Variants in QSOX1 observed in about 807,000 individuals in gnomAD.
The protein encoded by QSOX1 is quiescin sulfhydryl oxidase 1, also known as sulfhydryl oxidase 1.
In QSOX1, 40 loss-of-function variants were observed where a neutral mutation model predicts 76.1. The ratio of observed to expected loss-of-function variants is 0.53; its 90% CI spans 0.41 to 0.68. The LOEUF is 0.68. Ranked by LOEUF, QSOX1 falls within the 30% of genes least tolerant of loss-of-function variation. The pLI, the probability that QSOX1 is intolerant of heterozygous loss-of-function variation, is 0.00. For synonymous variants in QSOX1, 392 were observed against 413.1 expected (o/e 0.95, Z 0.62); for missense variants, 931 against 974.3 (o/e 0.96, Z 0.59).
rs1161608704 is a variant in QSOX1, at chr1:180,194,467, C to T, written c.1468+75C>T. The T allele has an allele frequency of 2.8e-6, 4 of 1,435,902 alleles. No individual in the cohort carries two copies. In the African/African-American group the frequency reaches 5.8e-5, roughly 21 times the overall value. The allele number at this position is 1,435,902 out of a possible 1,614,324, so 88.9% of individuals were successfully genotyped here. A position where few individuals can be genotyped will look rare whatever the true frequency, so the allele number is the denominator to read the frequency against. On this transcript the variant is annotated intron_variant, in intron 11 of 11. Transcript: ENST00000367602. ...GGTGAGGATACTTGGGAGTCTTAGG[C>T]CAAAATTTGGGGAAGGGACACTCAT...
chr1:180,178,196 C>T (rs542337804), intron 4 of QSOX1, among the ~76,000 whole-genome samples: 1 of 152,252 alleles, frequency 6.6e-6, no homozygotes, highest in East Asian at 1.9e-4. Flanking sequence ...CTTCCCAGTC[C>T]CCCTCCCCAC....
intron 1 of QSOX1, among the ~76,000 whole-genome samples, chr1:180,163,173 G>A (rs569011716): frequency 1.9e-4 from 28 of 149,708 alleles, no homozygotes; most frequent in African/African-American, 6.6e-4. Flanking sequence ...TAGCCCATTC[G>A]ACCACACTTG....
chr1:180,197,340 G>A lies in QSOX1; in HGVS notation c.*303G>A. On this transcript the variant is annotated 3_prime_UTR_variant, in exon 12 of 12. Coordinates refer to ENST00000367602, the MANE Select transcript of QSOX1 (RefSeq NM_002826.5). ...CACATTCCTGTTTTTCAGCTTATTT[G>A]AAGTCCTGCCTCATTCTCACTGGAG... 6.2e-7 allele frequency: 1 copy of A among 1,613,988 alleles called. No homozygotes were observed. Among genetic ancestry groups the A allele is most frequent in the South Asian group, 1.1e-5 (1 of 91,084 alleles).
intron 11 of QSOX1, among the ~76,000 whole-genome samples, chr1:180,194,977 C>T (rs989382263): frequency 5.9e-5 from 8 of 135,658 alleles, no homozygotes; most frequent in East Asian, 2.7e-4. Flanking sequence ...GAGCGGTGCA[C>T]GTGGCTGTGA....
chr1:180,201,811 G>A lies in QSOX1; in HGVS notation c.*4774G>A, dbSNP rs1191535095. On this transcript the variant is annotated 3_prime_UTR_variant, in exon 12 of 12. Transcript: ENST00000367602. ...GCAGCACAGTCTTCTCCATAGAGAGGGGCTGGGCCATGGGACCCCAGTTCC... is the reference window on the plus strand; with the variant it reads ...GCAGCACAGTCTTCTCCATAGAGAGAGGCTGGGCCATGGGACCCCAGTTCC... 6.6e-6 allele frequency: 1 copy of A among 152,184 alleles called. No individual in the cohort carries two copies. Among genetic ancestry groups the A allele is most frequent in the African/African-American group, 2.4e-5 (1 of 41,392 alleles). 9.4% of individuals were successfully genotyped at this position (152,184 alleles called of 1,614,324 possible). A position where few individuals can be genotyped will look rare whatever the true frequency, so the allele number is the denominator to read the frequency against.
At chr1:180,175,807 C>T (rs538611481) in intron 3 of QSOX1, 124 bp from the exon 4 acceptor site, 7 of 742,230 alleles carry the variant, frequency 9.4e-6, no homozygotes, top group South Asian at 3.4e-5. Flanking sequence ...ACTGACGCCT[C>T]GTCTGTCTCT....
At chr1:180,172,759 T>A (rs1360798181) in intron 2 of QSOX1, among the ~76,000 whole-genome samples, 1 of 152,182 alleles carries the variant, frequency 6.6e-6, no homozygotes, top group African/African-American at 2.4e-5. Flanking sequence ...CCTCAAGTGA[T>A]CCGCCCACCT....
chr1:180,190,427 C>T lies in QSOX1; in HGVS notation c.1141-6C>T. On this transcript the variant is annotated splice_region_variant and splice_polypyrimidine_tract_variant and intron_variant, in intron 9 of 11. Transcript: ENST00000367602. The stretch of plus-strand genomic sequence containing the variant: ...ATATGTGCACTCACACTCATGTGTC[C>T]CTCAGGGTGCCGTTCTTGCCAAGAA... 6.2e-7 allele frequency: 1 copy of T among 1,612,000 alleles called. No homozygotes were observed. Among genetic ancestry groups the T allele is most frequent in the Non-Finnish European group, 8.5e-7 (1 of 1,178,052 alleles).
chr1:180,161,465 A>G (rs1172622256), intron 1 of QSOX1, among the ~76,000 whole-genome samples: 3 of 152,220 alleles, frequency 2.0e-5, no homozygotes, highest in South Asian at 2.1e-4. Flanking sequence ...CCTTGGTAAT[A>G]TGACCAGTGT....
chr1:180,169,259 A>G (rs1202211148), intron 2 of QSOX1, among the ~76,000 whole-genome samples: 2 of 152,232 alleles, frequency 1.3e-5, no homozygotes, highest in Admixed American at 1.3e-4. Flanking sequence ...CTTCCGGGTC[A>G]AGGGGCTTCT....
At chr1:180,178,656 T>G in intron 4 of QSOX1, 138 bp from the exon 5 acceptor site, 3 of 724,710 alleles carry the variant, frequency 4.1e-6, no homozygotes, top group Non-Finnish European at 7.3e-6. Context: ...TTGACTCCCT[T>G]GGAGGGCCCT....
chr1:180,186,259 C>A, intron 8 of QSOX1, 77 bp downstream of exon 8: 1 of 1,531,924 alleles, frequency 6.5e-7, no homozygotes, highest in Non-Finnish European at 8.8e-7. Flanking sequence ...GCTGGGCACC[C>A]CGTCAGCCCC....
intron 1 of QSOX1, among the ~76,000 whole-genome samples, chr1:180,160,353 A>G (rs143846804): frequency 6.6e-6 from 1 of 151,582 alleles, no homozygotes; most frequent in African/African-American, 2.4e-5. Context: ...GCTAGTAGGT[A>G]GCAGTTCTAT....
At chr1:180,191,493 G>A (rs1466726147) in intron 10 of QSOX1, among the ~76,000 whole-genome samples, 1 of 152,268 alleles carries the variant, frequency 6.6e-6, no homozygotes, top group Non-Finnish European at 1.5e-5. Context: ...CCAGGCAGTG[G>A]TGTGGGAAGC....
intron 1 of QSOX1, among the ~76,000 whole-genome samples, chr1:180,165,358 A>G (rs556681023): frequency 6.6e-6 from 1 of 152,144 alleles, no homozygotes; most frequent in Admixed American, 6.5e-5. Flanking sequence ...TCCAGCTGCC[A>G]TGGACGTCAT....
At chr1:180,184,650 T>C (rs991778346) in intron 7 of QSOX1, among the ~76,000 whole-genome samples, 1 of 152,264 alleles carries the variant, frequency 6.6e-6, no homozygotes, top group African/African-American at 2.4e-5. Context: ...TCTGTTGTGG[T>C]TGGGCAGTGA....
intron 2 of QSOX1, among the ~76,000 whole-genome samples, chr1:180,170,652 G>A (rs4651059): frequency 0.99 from 150,979 of 152,338 alleles, 74,833 homozygotes; most frequent in East Asian, 1. Flanking sequence ...CACACTCCCA[G>A]AGTCTTAATT....
intron 5 of QSOX1, among the ~76,000 whole-genome samples, chr1:180,180,941 A>G (rs1477674843): frequency 6.6e-6 from 1 of 152,226 alleles, no homozygotes; most frequent in Middle Eastern, 3.4e-3. Flanking sequence ...TATTATTATT[A>G]TTGTTGTTAT....
chr1:180,187,003 G>A (rs866510437), intron 8 of QSOX1, among the ~76,000 whole-genome samples: 4 of 152,226 alleles, frequency 2.6e-5, no homozygotes, highest in Admixed American at 2.0e-4. Flanking sequence ...GGCTCTGGGC[G>A]CTTCGGGTTT....
Sources: allele counts gnomAD v4.1 joint callset (sites outside exome capture counted in the v4.1 genomes callset), GRCh38; gene constraint gnomAD v4.1.1; transcripts MANE v1.5; gene names NCBI Gene and HGNC (gene_info 2026-07-23, HGNC 2026-07-21).